SMAD9: variants seen among roughly 807,000 people sequenced by gnomAD.
SMAD9 encodes the protein MAD homolog 9.
Under a neutral mutation model 46.1 loss-of-function variants are expected in SMAD9, and 36 were observed. That is an observed-to-expected ratio of 0.78 (90% CI 0.60 to 1.03). The LOEUF (loss-of-function observed/expected upper bound fraction) is 1.03. SMAD9 is among the 50% of genes least tolerant of loss of function. The pLI is 0.00. For synonymous variants in SMAD9, 245 were observed against 237.1 expected (o/e 1.03, Z -0.31); for missense variants, 572 against 599.8 (o/e 0.95, Z 0.48).
chr13:36,899,609 G>T (rs2058557112), intron 1 of SMAD9, among the ~76,000 whole-genome samples: 1 of 152,164 alleles, frequency 6.6e-6, no homozygotes, highest in South Asian at 2.1e-4. Context: ...GATTTACTGA[G>T]TCTGAGGTAG....
At chr13:36,853,186 G>A (rs1346554094) in intron 6 of SMAD9, among the ~76,000 whole-genome samples, 1 of 152,140 alleles carries the variant, frequency 6.6e-6, no homozygotes, top group Admixed American at 6.5e-5. Flanking sequence ...CCGGGAGGCT[G>A]AGGTAGGAAA....
At chr13:36,874,899 A>G (rs988437634) in intron 2 of SMAD9, among the ~76,000 whole-genome samples, 1 of 146,994 alleles carries the variant, frequency 6.8e-6, no homozygotes, top group Non-Finnish European at 1.5e-5. Context: ...ATATATGTAT[A>G]TGTATGTATG....
chr13:36,918,314 T>C (rs549424266), intron 1 of SMAD9, among the ~76,000 whole-genome samples: 2 of 152,346 alleles, frequency 1.3e-5, no homozygotes, highest in Non-Finnish European at 2.9e-5. Flanking sequence ...AACATGAGTT[T>C]GTTCAGATCA....
In SMAD9 at chr13:36,845,102, G is replaced by C. The variant is rs1044348110; in HGVS notation, c.*3574C>G. 1.6e-5 allele frequency: 2 copies of C among 128,300 alleles called. No homozygotes were observed. The highest frequency in any genetic ancestry group is 6.1e-5 in the African/African-American group (2 of 32,576). 7.9% of individuals were successfully genotyped at this position (128,300 alleles called of 1,614,324 possible). A position where few individuals can be genotyped will look rare whatever the true frequency, so the allele number is the denominator to read the frequency against. The stretch of plus-strand genomic sequence containing the variant: ...TTTGCTTTATTTGTTGAATATATAT[G>C]TGTGTGTGTGTGTATATATATATAT... On this transcript the variant is annotated 3_prime_UTR_variant, in exon 7 of 7. Coordinates refer to ENST00000379826, the MANE Select transcript of SMAD9 (RefSeq NM_001127217.3).
At chr13:36,890,532 T>C (rs2058481282) in intron 1 of SMAD9, among the ~76,000 whole-genome samples, 1 of 152,184 alleles carries the variant, frequency 6.6e-6, no homozygotes, top group African/African-American at 2.4e-5. Flanking sequence ...AACAGATAAA[T>C]TGTATTTTTC....
At chr13:36,875,215 T>C (rs910585905) in intron 2 of SMAD9, among the ~76,000 whole-genome samples, 8 of 151,986 alleles carry the variant, frequency 5.3e-5, no homozygotes, top group African/African-American at 1.9e-4. Flanking sequence ...AAATAAAGTC[T>C]TAAAAAAAGG....
Position 36,846,645 on chromosome 13 carries a change from T to C in SMAD9, c.*2031A>G, listed in dbSNP as rs1380954424. 3 of 151,558 alleles carry C rather than the reference T, an allele frequency of 2.0e-5. No homozygotes were observed. The highest frequency in any genetic ancestry group is 2.1e-4 in the South Asian group (1 of 4,812). 9.4% of individuals were successfully genotyped at this position (151,558 alleles called of 1,614,324 possible). On this transcript the variant is annotated 3_prime_UTR_variant, in exon 7 of 7. Transcript: ENST00000379826. The stretch of plus-strand genomic sequence containing the variant: ...ATGCCTTTTCTAAGAAAAGGGGACA[T>C]GGAGAATTATTGGAAAACAGGGAAG...
chr13:36,891,248 T>G (rs535323431), intron 1 of SMAD9, among the ~76,000 whole-genome samples: 1 of 152,152 alleles, frequency 6.6e-6, no homozygotes, highest in Admixed American at 6.5e-5. Context: ...TATCCTGATA[T>G]ACTTCTCAAC....
At chr13:36,871,531 A>AAT (rs1476443283) in intron 3 of SMAD9, among the ~76,000 whole-genome samples, 5 of 149,932 alleles carry the variant, frequency 3.3e-5, no homozygotes, top group African/African-American at 1.3e-4. Context: ...ATAAAAAATA[A>AAT]AAAATAAAAA....
At chr13:36,851,397 T>C (rs1166785968) in intron 6 of SMAD9, among the ~76,000 whole-genome samples, 1 of 152,186 alleles carries the variant, frequency 6.6e-6, no homozygotes. Context: ...ACCTTTTCAA[T>C]GAGGCCCACC....
intron 1 of SMAD9, among the ~76,000 whole-genome samples, chr13:36,880,144 T>C (rs1406287813): frequency 2.6e-5 from 4 of 152,240 alleles, no homozygotes; most frequent in Admixed American, 2.0e-4. Flanking sequence ...GTATTTCCTA[T>C]ATCCAGGTCT....
rs78858807 is a variant in SMAD9 at position 36,914,594 on chromosome 13, A to G, written c.-187+5522T>C. Among the ~76,000 whole-genome samples the G allele has an allele frequency of 2.1e-4, 32 of 152,300 alleles. 1 individual carries two copies. The East Asian group carries it at 6.2e-3, about 29-fold the overall frequency. On this transcript the variant is annotated intron_variant, in intron 1 of 6. Coordinates refer to ENST00000379826, the MANE Select transcript of SMAD9 (RefSeq NM_001127217.3). ...CACTCCTCCTCTCAGCCAAACTCCA[A>G]TTCTCTCACTGTGATTCTCAGCAAA...
intron 5 of SMAD9, among the ~76,000 whole-genome samples, chr13:36,855,777 T>C (rs563078830): frequency 2.6e-5 from 4 of 152,306 alleles, no homozygotes; most frequent in East Asian, 3.9e-4. Flanking sequence ...CCTTTTCCCT[T>C]AATAAAATTT....
chr13:36,862,312 C>T (rs1239794166), intron 5 of SMAD9, among the ~76,000 whole-genome samples: 3 of 152,148 alleles, frequency 2.0e-5, no homozygotes, highest in Non-Finnish European at 4.4e-5. Flanking sequence ...CACAAAGACC[C>T]TGCTGGTAAA....
At chr13:36,870,913 A>G (rs1453589644) in intron 3 of SMAD9, among the ~76,000 whole-genome samples, 2 of 152,354 alleles carry the variant, frequency 1.3e-5, no homozygotes, top group East Asian at 3.9e-4. Flanking sequence ...ACAGGTGGAT[A>G]GCATCTACAA....
intron 3 of SMAD9, among the ~76,000 whole-genome samples, chr13:36,871,898 A>G (rs1566022023): frequency 1.3e-5 from 2 of 152,234 alleles, no homozygotes; most frequent in South Asian, 2.1e-4. Context: ...ATAGGAATAA[A>G]TGAATGAGGC....
intron 6 of SMAD9, among the ~76,000 whole-genome samples, chr13:36,852,834 T>C (rs757707348): frequency 3.3e-5 from 5 of 152,254 alleles, no homozygotes; most frequent in Non-Finnish European, 7.3e-5. Flanking sequence ...GCACTAGTCC[T>C]GTAAAATTAC....
intron 6 of SMAD9, among the ~76,000 whole-genome samples, chr13:36,853,034 C>T (rs553455951): frequency 6.4e-4 from 97 of 152,318 alleles, no homozygotes; most frequent in African/African-American, 2.3e-3. Context: ...CGCCTGTAAT[C>T]CCAGCACTTT....
chr13:36,901,060 G>C (rs9531993), intron 1 of SMAD9, among the ~76,000 whole-genome samples: 35,023 of 152,118 alleles, frequency 0.23, 4,148 homozygotes, highest in African/African-American at 0.26. Flanking sequence ...GTGTGTGTTT[G>C]TGTGTGTATA....
Sources: gnomAD v4.1 joint callset for allele counts (sites outside exome capture counted in the v4.1 genomes callset) on GRCh38, gnomAD v4.1.1 for gene constraint, MANE v1.5 for transcripts, NCBI Gene and HGNC (gene_info 2026-07-23, HGNC 2026-07-21) for gene names.